Variants in WHRN observed in about 807,000 individuals in gnomAD.
The protein encoded by WHRN is CASK-interacting protein CIP98.
A neutral mutation model predicts 68.3 loss-of-function variants in WHRN; 41 were observed. The observed-to-expected ratio is 0.60, with a 90% confidence interval of 0.47 to 0.78. The LOEUF (loss-of-function observed/expected upper bound fraction) is 0.78. Among genes scored for constraint, WHRN ranks in the 30% least tolerant of loss-of-function variants. WHRN has a pLI of 0.00. For missense variants in WHRN, 1,243 were observed against 1,244.7 expected (o/e 1.00, Z 0.02); for synonymous variants, 560 against 561.3 (o/e 1.00, Z 0.03).
At chr9:114,439,206 GT>G (rs1838158824) in intron 3 of WHRN, among the ~76,000 whole-genome samples, 1 of 152,170 alleles carries the variant, frequency 6.6e-6, no homozygotes, top group African/African-American at 2.4e-5. Flanking sequence ...TAGTTTTGAT[GT>G]TTTAGTACTT....
intron 1 of WHRN, among the ~76,000 whole-genome samples, chr9:114,494,929 G>T (rs10817627): frequency 2.8e-5 from 3 of 107,144 alleles, no homozygotes; most frequent in East Asian, 4.6e-4. Context: ...CATGACACTG[G>T]GGGGGGGAGC....
At chr9:114,412,035 G>A (rs1226294917) in intron 7 of WHRN, among the ~76,000 whole-genome samples, 1 of 152,172 alleles carries the variant, frequency 6.6e-6, no homozygotes, top group Non-Finnish European at 1.5e-5. Context: ...GCAGGTGGAG[G>A]TGGAGGGTTG....
At chr9:114,438,494 C>G (rs1172906118) in intron 3 of WHRN, among the ~76,000 whole-genome samples, 1 of 149,432 alleles carries the variant, frequency 6.7e-6, no homozygotes, top group Non-Finnish European at 1.5e-5. Flanking sequence ...ACTCTGTCAC[C>G]CAGGCTGGAG....
At position 114,504,713 on chromosome 9, in the gene WHRN, G is replaced by A. The variant is rs1159253252; in HGVS notation, c.89C>T (p.Ala30Val). Residue 30 changes from alanine to valine, a missense_variant, in exon 1 of 12, where the codon GCG becomes GTG. Ala to Val is a moderately conservative substitution (Grantham distance 64). Coordinates refer to ENST00000362057, the MANE Select transcript of WHRN (RefSeq NM_015404.4). ...GTTGGCAGACAGTAACCGCAGCCCC[G>A]CGCCCCCGCCGCCGCCCGCCCCGGC... is the stretch of plus-strand genomic sequence containing the variant. ...SAAGAGGGGG[A>V]GLRLLSANVR... The A allele has an allele frequency of 6.6e-7, 1 of 1,523,718 alleles. No individual in the cohort carries two copies. The highest frequency in any genetic ancestry group is 1.2e-5 in the South Asian group (1 of 81,226). The allele number at this position is 1,523,718 out of a possible 1,614,324, so 94.4% of individuals were successfully genotyped here.
intron 3 of WHRN, among the ~76,000 whole-genome samples, chr9:114,463,205 C>G (rs1401018039): frequency 6.6e-6 from 1 of 152,220 alleles, no homozygotes; most frequent in Non-Finnish European, 1.5e-5. Flanking sequence ...ACAGACATCA[C>G]TGACTTGCTT....
intron 1 of WHRN, among the ~76,000 whole-genome samples, chr9:114,493,129 C>T (rs1365016180): frequency 1.3e-5 from 2 of 151,932 alleles, no homozygotes; most frequent in Non-Finnish European, 2.9e-5. Flanking sequence ...GTAGGAGAAT[C>T]GCTTGAGCCC....
intron 1 of WHRN, among the ~76,000 whole-genome samples, chr9:114,490,327 A>G (rs1842877045): frequency 6.6e-6 from 1 of 152,222 alleles, no homozygotes; most frequent in Non-Finnish European, 1.5e-5. Flanking sequence ...ACAAGGATAA[A>G]GGCCAGGGGA....
chr9:114,490,251 T>C (rs1179980440), intron 1 of WHRN, among the ~76,000 whole-genome samples: 1 of 152,146 alleles, frequency 6.6e-6, no homozygotes, highest in Non-Finnish European at 1.5e-5. Context: ...TTAAACGCAA[T>C]GACAACATAC....
At chr9:114,483,916 C>G (rs1453241886) in intron 1 of WHRN, among the ~76,000 whole-genome samples, 1 of 152,192 alleles carries the variant, frequency 6.6e-6, no homozygotes, top group Non-Finnish European at 1.5e-5. Flanking sequence ...CTGGGACACC[C>G]AGGGATAACT....
intron 7 of WHRN, among the ~76,000 whole-genome samples, chr9:114,412,042 G>GT (rs2132252469): frequency 6.6e-6 from 1 of 152,270 alleles, no homozygotes; most frequent in Non-Finnish European, 1.5e-5. Context: ...GAGGTGGAGG[G>GT]TTGGGAGGGT....
chr9:114,407,490 G>A (rs1031203232), intron 8 of WHRN, among the ~76,000 whole-genome samples: 19 of 152,186 alleles, frequency 1.2e-4, no homozygotes, highest in African/African-American at 4.6e-4. Flanking sequence ...GTGAGGGGCA[G>A]CTATGGACAC....
chr9:114,435,398 A>T (rs1837765491), intron 3 of WHRN, among the ~76,000 whole-genome samples: 1 of 152,242 alleles, frequency 6.6e-6, no homozygotes. Flanking sequence ...GCATTTGACA[A>T]GGCCAGGGCA....
At chr9:114,436,502 A>T (rs183449595) in intron 3 of WHRN, among the ~76,000 whole-genome samples, 44 of 152,238 alleles carry the variant, frequency 2.9e-4, no homozygotes, top group African/African-American at 1.0e-3. Context: ...GTTCCCACTC[A>T]ATTTTTCTGT....
chr9:114,452,115 A>G (rs1839390013), intron 3 of WHRN, among the ~76,000 whole-genome samples: 1 of 152,208 alleles, frequency 6.6e-6, no homozygotes, highest in African/African-American at 2.4e-5. Context: ...CAACATAGGA[A>G]AGGTAAAGAA....
At chr9:114,439,025 T>C (rs1211554018) in intron 3 of WHRN, among the ~76,000 whole-genome samples, 1 of 152,152 alleles carries the variant, frequency 6.6e-6, no homozygotes, top group Non-Finnish European at 1.5e-5. Flanking sequence ...AAAGAGTATC[T>C]ATAGCATGCT....
intron 1 of WHRN, among the ~76,000 whole-genome samples, chr9:114,486,935 T>TAGA (rs1564217277): frequency 3.3e-5 from 3 of 90,954 alleles, no homozygotes; most frequent in East Asian, 3.9e-4. Context: ...AGAGTGTGTG[T>TAGA]GTGTGTTGTG....
At chr9:114,492,741 T>A (rs565285576) in intron 1 of WHRN, among the ~76,000 whole-genome samples, 1 of 151,724 alleles carries the variant, frequency 6.6e-6, no homozygotes, top group Non-Finnish European at 1.5e-5. Context: ...GTCCCAGCAG[T>A]TTGGGAGGTG....
In WHRN at chr9:114,486,993, A is replaced by G. The variant is rs867930562; in HGVS notation, c.619-8222T>C. Among the ~76,000 whole-genome samples the G allele has an allele frequency of 4.0e-4, 11 of 27,484 alleles. 1 individual carries two copies. The highest frequency in any genetic ancestry group is 1.1e-3 in the African/African-American group (10 of 8,994). 18.0% of individuals were successfully genotyped at this position (27,484 alleles called of 152,430 possible). A position where few individuals can be genotyped will look rare whatever the true frequency, so the allele number is the denominator to read the frequency against. ...TATATATATATATATATATATATAT[A>G]TATATATATATATATAATATATATA... On this transcript the variant is annotated intron_variant, in intron 1 of 11. Transcript: ENST00000362057.
At position 114,452,977 on chromosome 9, in the gene WHRN, G is replaced by A. The variant is rs113399396; in HGVS notation, c.963+13290C>T. ...CATCCTGATGCTTCTGCTGGGAGGC[G>A]AGAGCAAGCCTGACAGACTCTCCAC... On this transcript the variant is annotated intron_variant, in intron 3 of 11. Transcript: ENST00000362057. Among the ~76,000 whole-genome samples, 759 of 152,300 alleles carry A rather than the reference G, an allele frequency of 5.0e-3. 4 individuals carry two copies. Among genetic ancestry groups the A allele is most frequent in the South Asian group, 0.015 (73 of 4,826 alleles).
Sources: allele counts gnomAD v4.1 joint callset (sites outside exome capture counted in the v4.1 genomes callset), GRCh38; gene constraint gnomAD v4.1.1; transcripts MANE v1.5; gene names NCBI Gene and HGNC (gene_info 2026-07-23, HGNC 2026-07-21).